Variants in PDZD8 observed in about 807,000 individuals in gnomAD.
The protein encoded by PDZD8 is PDZ domain-containing protein 8.
A neutral mutation model predicts 85.8 loss-of-function variants in PDZD8; 14 were observed. The ratio of observed to expected loss-of-function variants is 0.16; its 90% CI spans 0.11 to 0.26. The LOEUF (loss-of-function observed/expected upper bound fraction) is 0.26, where lower values mean the gene tolerates loss of function less well. Ranked by LOEUF, PDZD8 falls within the 10% of genes least tolerant of loss-of-function variation. PDZD8 has a pLI of 1.00. For missense variants in PDZD8, 1,197 were observed against 1,424.3 expected, an observed-to-expected ratio of 0.84 and a Z score of 2.57; for synonymous variants, 592 against 568.6, an observed-to-expected ratio of 1.04 and a Z score of -0.59.
intron 1 of PDZD8, among the ~76,000 whole-genome samples, chr10:117,358,735 C>G (rs1844942965): frequency 6.6e-6 from 1 of 152,122 alleles, no homozygotes; most frequent in African/African-American, 2.4e-5. Context: ...TTACTTGGAA[C>G]TCTGAGAGCC....
chr10:117,370,918 T>TTG (rs71475194), intron 1 of PDZD8, among the ~76,000 whole-genome samples: 5,366 of 146,396 alleles, frequency 0.037, 103 homozygotes, highest in East Asian at 0.079. Flanking sequence ...ACAACATAGT[T>TTG]TGTGTGTGTG....
intron 1 of PDZD8, among the ~76,000 whole-genome samples, chr10:117,342,393 TACACACAC>T (rs59113065): frequency 1.0e-3 from 147 of 145,638 alleles, no homozygotes; most frequent in African/African-American, 2.6e-3. Context: ...CACAAACAGA[TACACACAC>T]ACACACACAC....
chr10:117,295,820 T>C (rs1263417107), intron 3 of PDZD8, among the ~76,000 whole-genome samples: 1 of 152,100 alleles, frequency 6.6e-6, no homozygotes, highest in African/African-American at 2.4e-5. Flanking sequence ...CTCAGCAAAC[T>C]AGAAGTATAA....
At chr10:117,305,306 G>A (rs1312418084) in intron 3 of PDZD8, among the ~76,000 whole-genome samples, 2 of 151,996 alleles carry the variant, frequency 1.3e-5, no homozygotes, top group African/African-American at 4.8e-5. Flanking sequence ...CACCTACTTG[G>A]GAGGCTGAGG....
chr10:117,284,176 A>G lies in PDZD8; in HGVS notation c.2557T>C (p.Trp853Arg), dbSNP rs1318825404. 1 of 1,614,068 alleles carries G rather than the reference A, an allele frequency of 6.2e-7. No individual in the cohort carries two copies. Among genetic ancestry groups the G allele is most frequent in the Non-Finnish European group, 8.5e-7 (1 of 1,180,034 alleles). Reference protein sequence around the residue: ...FQDTQFQNPTWCDYCKKKVWT... With the variant: ...FQDTQFQNPTRCDYCKKKVWT... ...ACTTTTTTCTTACAGTAGTCACACCATGTTGGGTTCTGGAACTGAGTATCC... is the reference window on the plus strand; with the variant it reads ...ACTTTTTTCTTACAGTAGTCACACCGTGTTGGGTTCTGGAACTGAGTATCC... Residue 853 changes from tryptophan (W) to arginine (R), a missense_variant, in exon 5 of 5, where the codon TGG becomes CGG. Coordinates refer to ENST00000334464, the MANE Select transcript of PDZD8 (RefSeq NM_173791.5).
At chr10:117,336,632 T>A in intron 2 of PDZD8, among the ~76,000 whole-genome samples, 1 of 147,834 alleles carries the variant, frequency 6.8e-6, no homozygotes, top group Non-Finnish European at 1.5e-5. Flanking sequence ...AGTAATGAAG[T>A]CTAAAAAAAA....
intron 4 of PDZD8, among the ~76,000 whole-genome samples, chr10:117,286,163 G>A (rs896367486): frequency 5.9e-5 from 9 of 152,152 alleles, no homozygotes; most frequent in East Asian, 1.9e-4. Flanking sequence ...ATTGTTACAC[G>A]TAGTTTAAAA....
intron 1 of PDZD8, among the ~76,000 whole-genome samples, chr10:117,343,869 C>CT (rs1844658997): frequency 6.6e-6 from 1 of 152,172 alleles, no homozygotes; most frequent in African/African-American, 2.4e-5. Context: ...TTAACATTCT[C>CT]TAAGAACCTT....
At chr10:117,312,187 T>A (rs1383506708) in intron 3 of PDZD8, among the ~76,000 whole-genome samples, 1 of 152,024 alleles carries the variant, frequency 6.6e-6, no homozygotes, top group East Asian at 1.9e-4. Flanking sequence ...AAGGTTTGTA[T>A]GGGGAGAAAT....
In PDZD8 at chr10:117,283,856, T is replaced by C; in HGVS notation, c.2877A>G (p.Pro959=). 1 of 1,614,232 alleles carries C rather than the reference T, an allele frequency of 6.2e-7. No homozygotes were observed. The change falls in exon 5 of 5, where the codon CCA becomes CCG. Residue 959 remains proline, a synonymous_variant. Coordinates refer to ENST00000334464, the MANE Select transcript of PDZD8 (RefSeq NM_173791.5). Reference sequence around the variant, plus strand: ...GTGAAGGTTCTACGAGATCGGTTCCTGGTTCAGAAAGGCGAGTTTTAGAGA... The same window carrying C: ...GTGAAGGTTCTACGAGATCGGTTCCCGGTTCAGAAAGGCGAGTTTTAGAGA... ...RQVSKTRLSE[P]GTDLVEPSPK...
intron 2 of PDZD8, among the ~76,000 whole-genome samples, chr10:117,323,050 C>G (rs1378328160): frequency 2.0e-5 from 3 of 152,062 alleles, no homozygotes; most frequent in African/African-American, 2.4e-5. Context: ...GAGTATTAAG[C>G]CTGAAAGCTG....
At chr10:117,347,104 C>A (rs999403943) in intron 1 of PDZD8, among the ~76,000 whole-genome samples, 1 of 152,002 alleles carries the variant, frequency 6.6e-6, no homozygotes, top group Non-Finnish European at 1.5e-5. Flanking sequence ...TCTTTCTCCA[C>A]CAAGACCAAG....
At chr10:117,329,999 AG>A (rs1844390780) in intron 2 of PDZD8, among the ~76,000 whole-genome samples, 2 of 34,244 alleles carry the variant, frequency 5.8e-5, no homozygotes, top group Admixed American at 4.7e-4. Context: ...GAAGGAAGGA[AG>A]GGAGGGAGGG....
intron 3 of PDZD8, among the ~76,000 whole-genome samples, chr10:117,306,845 A>G (rs1843952388): frequency 6.6e-6 from 1 of 152,156 alleles, no homozygotes. Context: ...CTATTTGAAA[A>G]TAAGTTATAC....
At chr10:117,292,509 G>T (rs927606714) in intron 3 of PDZD8, among the ~76,000 whole-genome samples, 4 of 151,802 alleles carry the variant, frequency 2.6e-5, no homozygotes, top group African/African-American at 9.7e-5. Context: ...TAGCAAATGG[G>T]TAGAAAACCT....
chr10:117,312,159 C>T (rs546197695), intron 3 of PDZD8, among the ~76,000 whole-genome samples: 59 of 152,066 alleles, frequency 3.9e-4, no homozygotes, highest in African/African-American at 9.6e-4. Context: ...AAGCAGAGAT[C>T]GGATGAATGG....
At chr10:117,352,913 C>T (rs1431983183) in intron 1 of PDZD8, among the ~76,000 whole-genome samples, 1 of 151,960 alleles carries the variant, frequency 6.6e-6, no homozygotes, top group Non-Finnish European at 1.5e-5. Flanking sequence ...CTAACAGGGG[C>T]TTGCTGCTGA....
In PDZD8 at chr10:117,292,168, A is replaced by G. The variant is rs73394924; in HGVS notation, c.1099-1820T>C. The stretch of plus-strand genomic sequence containing the variant: ...TAATTTGGGTGTTAACAAATTTTGT[A>G]AAGTTATTTTAAGGAAAATCTTAAT... On this transcript the variant is annotated intron_variant, in intron 3 of 4. Transcript: ENST00000334464. Among the ~76,000 whole-genome samples, 726 of 152,330 alleles carry G rather than the reference A, an allele frequency of 4.8e-3. 11 individuals carry two copies. Among genetic ancestry groups the G allele is most frequent in the African/African-American group, 0.017 (698 of 41,580 alleles).
chr10:117,368,067 GTTCT>G (rs1845120291), intron 1 of PDZD8, among the ~76,000 whole-genome samples: 1 of 152,146 alleles, frequency 6.6e-6, no homozygotes, highest in Non-Finnish European at 1.5e-5. Flanking sequence ...AGCTTTATGT[GTTCT>G]TTGTTTTCCC....
Sources: gnomAD v4.1 joint callset for allele counts (sites outside exome capture counted in the v4.1 genomes callset) on GRCh38, gnomAD v4.1.1 for gene constraint, MANE v1.5 for transcripts, NCBI Gene and HGNC (gene_info 2026-07-23, HGNC 2026-07-21) for gene names.